Variants in PAX8 observed in about 807,000 individuals in gnomAD.
PAX8 encodes the protein paired box 8.
Under a neutral mutation model 52.4 loss-of-function variants are expected in PAX8, and 15 were observed. That is an observed-to-expected ratio of 0.29 (90% CI 0.19 to 0.44). The LOEUF is 0.44. Ranked by LOEUF, PAX8 falls within the 20% of genes least tolerant of loss-of-function variation. PAX8 has a pLI of 1.00. For synonymous variants in PAX8, 284 were observed against 249.7 expected (o/e 1.14, Z -1.29); for missense variants, 554 against 602.5 (o/e 0.92, Z 0.84).
intron 7 of PAX8, chr2:113,238,043 G>A (rs1006094487): frequency 6.6e-6 from 1 of 151,678 alleles, no homozygotes; most frequent in African/African-American, 2.4e-5. Flanking sequence ...CCCACTTAGA[G>A]GCAGGGTGGA....
At chr2:113,236,853 T>G in intron 7 of PAX8, 132 bp from the exon 8 acceptor site, 3 of 1,042,360 alleles carry the variant, frequency 2.9e-6, no homozygotes, top group Non-Finnish European at 4.1e-6. Flanking sequence ...CCCTTCTTCC[T>G]TTACGTTCTC....
At chr2:113,255,398 A>C (rs976716147) in intron 2 of PAX8, 3 of 151,976 alleles carry the variant, frequency 2.0e-5, no homozygotes, top group African/African-American at 7.2e-5. Context: ...AGACACATAT[A>C]CTCACAGAAA....
At chr2:113,226,825 C>T in intron 10 of PAX8, 1 of 1,263,326 alleles carries the variant, frequency 7.9e-7, no homozygotes, top group Non-Finnish European at 1.0e-6. Flanking sequence ...TTAGAGTGCT[C>T]TCCATTTATG....
intron 2 of PAX8, 122 bp from the exon 3 acceptor site, chr2:113,247,041 G>C: frequency 1.0e-6 from 1 of 966,330 alleles, no homozygotes; most frequent in Non-Finnish European, 1.6e-6. Flanking sequence ...GAAATCCCAC[G>C]GCCAGGCCCT....
At chr2:113,236,408 G>C in intron 8 of PAX8, 193 bp downstream of exon 8, 1 of 529,780 alleles carries the variant, frequency 1.9e-6, no homozygotes, top group Middle Eastern at 5.0e-4. Flanking sequence ...CCTAGGACTG[G>C]AGGCGCGACC....
intron 1 of PAX8, 79 bp downstream of exon 1, chr2:113,278,752 G>T: frequency 2.7e-6 from 2 of 727,372 alleles, no homozygotes; most frequent in Non-Finnish European, 3.7e-6. Flanking sequence ...AGGCTGCCAG[G>T]CATCCTGGGA....
chr2:113,226,912 G>A, intron 10 of PAX8: 1 of 1,405,406 alleles, frequency 7.1e-7, no homozygotes. Context: ...TTTTCATCAT[G>A]GAGGGTAATG....
At chr2:113,270,424 A>C (rs1410718958) in intron 2 of PAX8, 2 of 152,166 alleles carry the variant, frequency 1.3e-5, no homozygotes, top group Non-Finnish European at 2.9e-5. Context: ...TCACACAAAA[A>C]CAGCAAGGTC....
chr2:113,276,816 GA>G (rs1693850466), intron 2 of PAX8, among the ~76,000 whole-genome samples: 1 of 151,590 alleles, frequency 6.6e-6, no homozygotes, highest in Non-Finnish European at 1.5e-5. Context: ...AGGTTAGGAG[GA>G]AAGATGGACC....
At chr2:113,248,985 AGGTGGGG>A (rs1236601117) in intron 2 of PAX8, among the ~76,000 whole-genome samples, 1 of 151,742 alleles carries the variant, frequency 6.6e-6, no homozygotes, top group Non-Finnish European at 1.5e-5. Flanking sequence ...AAAAAAAGGG[AGGTGGGG>A]GTGCTCTAAG....
At chr2:113,236,820 C>G (rs1193156160) in intron 7 of PAX8, 99 bp from the exon 8 acceptor site, 61 of 1,396,338 alleles carry the variant, frequency 4.4e-5, no homozygotes, top group Non-Finnish European at 2.2e-5. Flanking sequence ...GCCCTCATCT[C>G]CCCAGGAGAG....
intron 2 of PAX8, chr2:113,270,453 C>T (rs916100107): frequency 3.3e-5 from 5 of 152,192 alleles, no homozygotes; most frequent in African/African-American, 9.7e-5. Flanking sequence ...GATGGAAGCC[C>T]GGGCTTTGCC....
chr2:113,246,994 G>C, intron 2 of PAX8, 75 bp from the exon 3 acceptor site: 1 of 1,361,900 alleles, frequency 7.3e-7, no homozygotes, highest in South Asian at 1.2e-5. Context: ...TATGAGTACA[G>C]GTGCTGGTGT....
At chr2:113,242,474 G>A (rs983794006) in intron 5 of PAX8, among the ~76,000 whole-genome samples, 9 of 152,146 alleles carry the variant, frequency 5.9e-5, no homozygotes, top group Non-Finnish European at 1.0e-4. Context: ...GCTGTCTCAA[G>A]TGTTTGCACC....
chr2:113,242,237 G>T, intron 5 of PAX8, 107 bp from the exon 6 acceptor site: 1 of 894,876 alleles, frequency 1.1e-6, no homozygotes, highest in Non-Finnish European at 1.8e-6. Flanking sequence ...GGGGCTGGGG[G>T]AGAGGGAGAG....
chr2:113,230,758 C>T (rs1042434176), intron 9 of PAX8: 1 of 152,210 alleles, frequency 6.6e-6, no homozygotes, highest in African/African-American at 2.4e-5. Context: ...TTCTTAGAAA[C>T]AAAACCACAG....
chr2:113,272,678 C>T (rs1693542061), intron 2 of PAX8: 1 of 152,148 alleles, frequency 6.6e-6, no homozygotes. Flanking sequence ...ATGTCTAGAA[C>T]TCCTGCTGAA....
At chr2:113,245,875 G>C (rs980774921) in intron 3 of PAX8, among the ~76,000 whole-genome samples, 2 of 152,258 alleles carry the variant, frequency 1.3e-5, no homozygotes, top group Admixed American at 6.5e-5. Context: ...GGCTTTTCAC[G>C]GTTCAAAGAA....
chr2:113,218,983 G>C (rs955229635), intron 11 of PAX8, among the ~76,000 whole-genome samples: 2 of 152,200 alleles, frequency 1.3e-5, no homozygotes, highest in African/African-American at 2.4e-5. Context: ...CCAGGACAGA[G>C]AGTCTTCTTT....
Sources: gnomAD v4.1 joint callset for allele counts (sites outside exome capture counted in the v4.1 genomes callset) on GRCh38, gnomAD v4.1.1 for gene constraint, MANE v1.5 for transcripts, NCBI Gene and HGNC (gene_info 2026-07-23, HGNC 2026-07-21) for gene names.